Variants in ANO3 observed in about 807,000 individuals in gnomAD.
ANO3 encodes the protein anoctamin 3, also known as anoctamin-3.
ANO3 carries 99 observed loss-of-function variants against 144.8 expected under a neutral mutation model. That is an observed-to-expected ratio of 0.68 (90% CI 0.58 to 0.81). The LOEUF is 0.81. ANO3 is among the 30% of genes least tolerant of loss of function. The pLI, the probability that ANO3 is intolerant of heterozygous loss-of-function variation, is 0.00. For missense variants in ANO3, 905 were observed against 1,202.2 expected (o/e 0.75, Z 3.66); for synonymous variants, 414 against 392.6 (o/e 1.05, Z -0.64).
intron 1 of ANO3, among the ~76,000 whole-genome samples, chr11:26,373,141 A>T (rs1461371): frequency 0.14 from 21,854 of 152,142 alleles, 1,699 homozygotes; most frequent in South Asian, 0.27. Context: ...ATGCTTTTTA[A>T]CAATCACAAC....
chr11:26,366,202 T>C (rs971895496), intron 1 of ANO3, among the ~76,000 whole-genome samples: 1 of 151,952 alleles, frequency 6.6e-6, no homozygotes, highest in Non-Finnish European at 1.5e-5. Context: ...TGTCCAAGTG[T>C]TCTCATTGTT....
chr11:26,345,081 T>A (rs1855465420), intron 1 of ANO3, among the ~76,000 whole-genome samples: 1 of 152,150 alleles, frequency 6.6e-6, no homozygotes, highest in Non-Finnish European at 1.5e-5. Flanking sequence ...CTGAGACTGG[T>A]ATGGAAATTA....
chr11:26,408,766 G>A (rs28671128), intron 1 of ANO3, among the ~76,000 whole-genome samples: 7,094 of 149,694 alleles, frequency 0.047, 201 homozygotes, highest in Non-Finnish European at 0.058. Context: ...AAAATGTGGC[G>A]CATATACACC....
chr11:26,393,341 C>A (rs1425829276), intron 1 of ANO3, among the ~76,000 whole-genome samples: 3 of 152,020 alleles, frequency 2.0e-5, no homozygotes, highest in African/African-American at 7.2e-5. Context: ...CAGGTTGAAT[C>A]CTTTACTTGC....
intron 4 of ANO3, among the ~76,000 whole-genome samples, chr11:26,485,181 C>A (rs1331353499): frequency 6.6e-6 from 1 of 152,122 alleles, no homozygotes; most frequent in Non-Finnish European, 1.5e-5. Flanking sequence ...GTGAGAAGGA[C>A]ATGGGATTTG....
At chr11:26,563,210 G>T in intron 14 of ANO3, 1 of 1,612,260 alleles carries the variant, frequency 6.2e-7, no homozygotes, top group East Asian at 2.2e-5. Context: ...TAAGCAATGA[G>T]ACACCCAGAA....
At chr11:26,476,903 ATGTGTGTGTGTGTGTGTGTG>A (rs61676196) in intron 4 of ANO3, among the ~76,000 whole-genome samples, 3 of 141,424 alleles carry the variant, frequency 2.1e-5, no homozygotes, top group African/African-American at 7.8e-5. Flanking sequence ...GTGTGTGTGT[ATGTGTGTGTGTGTGTGTGTG>A]TGTGTGTGTG....
At chr11:26,395,447 T>C (rs1856986542) in intron 1 of ANO3, among the ~76,000 whole-genome samples, 2 of 152,186 alleles carry the variant, frequency 1.3e-5, no homozygotes, top group South Asian at 2.1e-4. Flanking sequence ...TTCTCTCTTA[T>C]TTCCTTGAGC....
intron 21 of ANO3, 42 bp downstream of exon 21, chr11:26,639,283 A>C: frequency 2.7e-6 from 4 of 1,492,756 alleles, no homozygotes; most frequent in Non-Finnish European, 3.7e-6. Context: ...TCTAGTTACA[A>C]AGAGGAAAGC....
At chr11:26,459,297 C>A (rs1020544581) in intron 3 of ANO3, among the ~76,000 whole-genome samples, 7 of 151,962 alleles carry the variant, frequency 4.6e-5, no homozygotes, top group Non-Finnish European at 1.0e-4. Context: ...TATCATTTAT[C>A]TTGGGTTTTT....
At chr11:26,324,572 A>C (rs977853658) in intron 1 of ANO3, among the ~76,000 whole-genome samples, 1 of 152,256 alleles carries the variant, frequency 6.6e-6, no homozygotes, top group African/African-American at 2.4e-5. Context: ...ATAAACACTC[A>C]TCAACAAAGG....
At chr11:26,554,980 A>G (rs1850043485) in intron 13 of ANO3, among the ~76,000 whole-genome samples, 1 of 152,140 alleles carries the variant, frequency 6.6e-6, no homozygotes. Context: ...TCCAGAGTGG[A>G]GGTCTCCATA....
intron 12 of ANO3, among the ~76,000 whole-genome samples, chr11:26,551,216 G>A (rs1849923066): frequency 1.3e-5 from 2 of 151,982 alleles, no homozygotes; most frequent in South Asian, 4.1e-4. Flanking sequence ...AAAATTTATC[G>A]CTACTTTTAT....
chr11:26,190,829 C>T (rs555049214), intron 1 of ANO3, among the ~76,000 whole-genome samples: 268 of 152,326 alleles, frequency 1.8e-3, no homozygotes, highest in Non-Finnish European at 2.6e-3. Flanking sequence ...TCTGGCTATG[C>T]CTCAAACTCA....
In ANO3 at chr11:26,505,011, C is replaced by CA. The variant is rs61530995; in HGVS notation, c.433-3065dup. On this transcript the variant is annotated intron_variant, in intron 4 of 26. Transcript: ENST00000256737. Reference sequence around the variant, plus strand: ...TAGGCGACAGAGCGAGACTCCACCTCAAAAAAAAAAAAAAAAAAAAAAAAA... The same window carrying CA: ...TAGGCGACAGAGCGAGACTCCACCTCAAAAAAAAAAAAAAAAAAAAAAAAAA... Among the ~76,000 whole-genome samples the CA allele has an allele frequency of 9.0e-3, 576 of 63,680 alleles. 25 individuals are homozygous for CA. The highest frequency in any genetic ancestry group is 0.031 in the African/African-American group (466 of 15,250). 41.8% of individuals were successfully genotyped at this position (63,680 alleles called of 152,430 possible).
intron 1 of ANO3, among the ~76,000 whole-genome samples, chr11:26,205,401 T>C (rs927295827): frequency 1.4e-4 from 22 of 152,208 alleles, no homozygotes; most frequent in African/African-American, 5.1e-4. Context: ...GAGCACATAA[T>C]CTATCCTAGT....
intron 1 of ANO3, among the ~76,000 whole-genome samples, chr11:26,413,882 G>T (rs564372387): frequency 2.9e-4 from 44 of 152,094 alleles, no homozygotes; most frequent in African/African-American, 1.0e-3. Flanking sequence ...TAAAGAAATT[G>T]AATGAAGGTT....
rs563749037 is a variant in ANO3 at position 26,586,381 on chromosome 11, G to A, written c.1448-11984G>A. Among the ~76,000 whole-genome samples, 39 of 137,612 alleles carry A rather than the reference G, an allele frequency of 2.8e-4. No homozygotes were observed. In the East Asian group the frequency reaches 4.1e-3, roughly 15 times the overall value. The allele number at this position is 137,612 out of a possible 152,430, so 90.3% of individuals were successfully genotyped here. On this transcript the variant is annotated intron_variant, in intron 14 of 26. Transcript: ENST00000256737. ...TTTTTTTTTTTTTTTTTTTTGAGAC[G>A]GAGTCTCACTTTGTCGTAAGACAAA... is the stretch of plus-strand genomic sequence containing the variant.
At chr11:26,494,190 A>T (rs1182090871) in intron 4 of ANO3, among the ~76,000 whole-genome samples, 2 of 151,062 alleles carry the variant, frequency 1.3e-5, no homozygotes, top group Non-Finnish European at 3.0e-5. Flanking sequence ...TGTAAAATAT[A>T]TATACATTTA....
Sources: allele counts gnomAD v4.1 joint callset (sites outside exome capture counted in the v4.1 genomes callset), GRCh38; gene constraint gnomAD v4.1.1; transcripts MANE v1.5; gene names NCBI Gene and HGNC (gene_info 2026-07-23, HGNC 2026-07-21).